Variants in RMDN2 observed in about 807,000 individuals in gnomAD.
RMDN2 encodes regulator of microtubule dynamics 2.
A neutral mutation model predicts 52.8 loss-of-function variants in RMDN2; 61 were observed. The ratio of observed to expected loss-of-function variants is 1.16; its 90% CI spans 0.94 to 1.43. RMDN2 has a LOEUF of 1.43. Among genes scored for constraint, RMDN2 ranks in the 40% most tolerant of loss-of-function variants. The pLI, the probability that RMDN2 is intolerant of heterozygous loss-of-function variation, is 0.00. For synonymous variants in RMDN2, 180 were observed against 153.1 expected, an observed-to-expected ratio of 1.18 and a Z score of -1.30; for missense variants, 592 against 475.3, an observed-to-expected ratio of 1.25 and a Z score of -2.28.
At chr2:37,971,533 G>A (rs1200600121) in intron 2 of RMDN2, among the ~76,000 whole-genome samples, 1 of 152,030 alleles carries the variant, frequency 6.6e-6, no homozygotes, top group African/African-American at 2.4e-5. Flanking sequence ...AAACTATCCA[G>A]TTATGTTTTT....
intron 10 of RMDN2, among the ~76,000 whole-genome samples, chr2:38,046,824 A>T (rs1681301284): frequency 6.6e-6 from 1 of 152,202 alleles, no homozygotes; most frequent in Non-Finnish European, 1.5e-5. Flanking sequence ...CTCTACGAAA[A>T]ATACAAAAAT....
intron 2 of RMDN2, among the ~76,000 whole-genome samples, chr2:37,965,990 T>G (rs192076773): frequency 2.6e-5 from 4 of 152,356 alleles, no homozygotes; most frequent in Admixed American, 2.6e-4. Flanking sequence ...ATGATTTTAT[T>G]GAGGAATCCT....
intron 5 of RMDN2, among the ~76,000 whole-genome samples, chr2:37,986,332 A>T (rs1252458607): frequency 6.6e-6 from 1 of 152,186 alleles, no homozygotes; most frequent in Non-Finnish European, 1.5e-5. Context: ...CAAAACAGAA[A>T]GCATCAGGAC....
intron 5 of RMDN2, among the ~76,000 whole-genome samples, chr2:37,986,135 A>G (rs1193053697): frequency 1.3e-5 from 2 of 152,170 alleles, no homozygotes; most frequent in African/African-American, 4.8e-5. Flanking sequence ...GCCCATGACA[A>G]AAATAGAGAG....
chr2:37,957,619 C>A (rs1669650036), intron 2 of RMDN2, among the ~76,000 whole-genome samples: 1 of 152,150 alleles, frequency 6.6e-6, no homozygotes, highest in Admixed American at 6.5e-5. Flanking sequence ...ATGATAGTTT[C>A]TTTTACTGTG....
At chr2:38,013,306 T>C (rs1448063552) in intron 10 of RMDN2, among the ~76,000 whole-genome samples, 1 of 152,220 alleles carries the variant, frequency 6.6e-6, no homozygotes, top group Non-Finnish European at 1.5e-5. Context: ...TAATGTTGTA[T>C]GATAAGAGGT....
At chr2:38,062,112 CT>C (rs1682076953) in intron 10 of RMDN2, among the ~76,000 whole-genome samples, 1 of 152,228 alleles carries the variant, frequency 6.6e-6, no homozygotes, top group African/African-American at 2.4e-5. Context: ...TTTCCAATCA[CT>C]TTTCATCACT....
intron 10 of RMDN2, among the ~76,000 whole-genome samples, chr2:38,004,505 T>C (rs995784500): frequency 1.3e-5 from 2 of 152,170 alleles, no homozygotes; most frequent in Admixed American, 6.6e-5. Context: ...TCCACTCTCT[T>C]AGCAAATTTC....
At position 38,042,426 on chromosome 2, in the gene RMDN2, A is replaced by ACAC. The variant is rs1558582658; in HGVS notation, c.1714-24555_1714-24553dup. On this transcript the variant is annotated intron_variant, in intron 10 of 10. Coordinates refer to the RMDN2 transcript ENST00000234195. ...CGCCACACACACACACACACACACC[A>ACAC]CACACACACACACACACCACACACA... Among the ~76,000 whole-genome samples the ACAC allele has an allele frequency of 7.8e-4, 112 of 144,212 alleles. 2 individuals carry two copies. Among genetic ancestry groups the ACAC allele is most frequent in the East Asian group, 5.6e-3 (28 of 5,030 alleles). 94.6% of individuals were successfully genotyped at this position (144,212 alleles called of 152,430 possible).
intron 2 of RMDN2, among the ~76,000 whole-genome samples, chr2:37,964,224 G>A (rs886284213): frequency 5.9e-5 from 9 of 151,850 alleles, no homozygotes; most frequent in Admixed American, 2.0e-4. Context: ...CAGACAGGGC[G>A]GCTGCCGGGC....
At chr2:38,049,052 TTC>T (rs1176891562) in intron 10 of RMDN2, among the ~76,000 whole-genome samples, 1 of 152,212 alleles carries the variant, frequency 6.6e-6, no homozygotes, top group Non-Finnish European at 1.5e-5. Context: ...TTTTAAATCA[TTC>T]TGTTTATTTT....
At chr2:37,948,060 T>G (rs2124946926) in intron 2 of RMDN2, among the ~76,000 whole-genome samples, 1 of 152,268 alleles carries the variant, frequency 6.6e-6, no homozygotes, top group East Asian at 1.9e-4. Context: ...CTGGGGGTCG[T>G]CATGACCCGT....
At chr2:38,065,636 A>G (rs1682242990) in intron 10 of RMDN2, among the ~76,000 whole-genome samples, 1 of 152,188 alleles carries the variant, frequency 6.6e-6, no homozygotes, top group South Asian at 2.1e-4. Flanking sequence ...GCTCTGAGAG[A>G]CGGAAGGGTT....
At chr2:38,062,573 A>G (rs1682094757) in intron 10 of RMDN2, among the ~76,000 whole-genome samples, 1 of 152,106 alleles carries the variant, frequency 6.6e-6, no homozygotes, top group Non-Finnish European at 1.5e-5. Flanking sequence ...TCATTTCTCT[A>G]GGATAAATAC....
intron 10 of RMDN2, among the ~76,000 whole-genome samples, chr2:38,045,173 AG>A (rs1197171537): frequency 6.6e-6 from 1 of 152,332 alleles, no homozygotes; most frequent in Non-Finnish European, 1.5e-5. Context: ...TAATTTAAAT[AG>A]TATTTTGGCT....
chr2:38,066,877 C>T (rs1682305581), intron 10 of RMDN2: 1 of 996,618 alleles, frequency 1.0e-6, no homozygotes, highest in African/African-American at 1.6e-5. Context: ...TCTCTTAAAC[C>T]ACTCCATAGC....
At chr2:37,952,697 C>T (rs1668990727) in intron 2 of RMDN2, 1 of 158,648 alleles carries the variant, frequency 6.3e-6, no homozygotes, top group South Asian at 2.0e-4. Context: ...GCCTGATGTT[C>T]CACTGACAGA....
intron 2 of RMDN2, among the ~76,000 whole-genome samples, chr2:37,941,984 C>T (rs974151378): frequency 1.3e-5 from 2 of 152,032 alleles, no homozygotes; most frequent in Non-Finnish European, 1.5e-5. Context: ...TCGGTATCTG[C>T]CCAAACAGCT....
intron 2 of RMDN2, among the ~76,000 whole-genome samples, chr2:37,944,288 A>T (rs994107831): frequency 1.3e-5 from 2 of 150,944 alleles, no homozygotes; most frequent in African/African-American, 2.4e-5. Flanking sequence ...TAAACAGGTG[A>T]TGTATTTCTC....
Sources: allele counts gnomAD v4.1 joint callset (sites outside exome capture counted in the v4.1 genomes callset), GRCh38; gene constraint gnomAD v4.1.1; transcripts MANE v1.5; gene names NCBI Gene and HGNC (gene_info 2026-07-23, HGNC 2026-07-21).